Variants in SHROOM3 observed in about 807,000 individuals in gnomAD.
SHROOM3 encodes the protein protein Shroom3.
Under a neutral mutation model 138.6 loss-of-function variants are expected in SHROOM3, and 47 were observed. That is an observed-to-expected ratio of 0.34 (90% confidence interval 0.27 to 0.43). The LOEUF is 0.43. Among genes scored for constraint, SHROOM3 ranks in the 20% least tolerant of loss-of-function variants. The probability of loss-of-function intolerance (pLI) is 1.00; values close to 1 mark genes in which losing one functional copy is unlikely to be tolerated. For missense variants in SHROOM3, 2,491 were observed against 2,596.5 expected (o/e 0.96, Z 0.88); for synonymous variants, 1,062 against 1,063.3 (o/e 1.00, Z 0.02).
At chr4:76,707,498 C>T (rs1720091377) in intron 2 of SHROOM3, among the ~76,000 whole-genome samples, 1 of 152,072 alleles carries the variant, frequency 6.6e-6, no homozygotes, top group Non-Finnish European at 1.5e-5. Context: ...TCGTGTATAA[C>T]CATTGGCGCA....
intron 1 of SHROOM3, among the ~76,000 whole-genome samples, chr4:76,467,116 C>G: frequency 6.6e-6 from 1 of 151,274 alleles, no homozygotes. Flanking sequence ...AATCACGACT[C>G]ACTGCAGCCT....
At chr4:76,550,678 G>A (rs1733334588) in intron 1 of SHROOM3, among the ~76,000 whole-genome samples, 1 of 152,072 alleles carries the variant, frequency 6.6e-6, no homozygotes, top group Non-Finnish European at 1.5e-5. Flanking sequence ...CCCATGAAAT[G>A]TTTGACAAAT....
At chr4:76,738,125 T>G (rs1336976914) in intron 4 of SHROOM3, among the ~76,000 whole-genome samples, 1 of 152,144 alleles carries the variant, frequency 6.6e-6, no homozygotes, top group Admixed American at 6.5e-5. Flanking sequence ...TCTCCTTCCC[T>G]CTTTCCCCTT....
intron 6 of SHROOM3, among the ~76,000 whole-genome samples, chr4:76,751,578 G>A (rs1721624276): frequency 6.6e-6 from 1 of 152,036 alleles, no homozygotes; most frequent in African/African-American, 2.4e-5. Flanking sequence ...AACACTAGAG[G>A]ATACCAATCC....
intron 2 of SHROOM3, among the ~76,000 whole-genome samples, chr4:76,698,888 C>CA (rs1438780398): frequency 1.6e-4 from 25 of 151,904 alleles, no homozygotes; most frequent in African/African-American, 5.8e-4. Context: ...TTCTTATCTG[C>CA]AAAAAAACCC....
In SHROOM3 at chr4:76,621,113, A is replaced by G. The variant is rs1257192557; in HGVS notation, c.323+65350A>G. Reference sequence around the variant, plus strand: ...CTGTGGTTTTCTCCATTGATTTTTCATTTCCACCTCCAAGAGCCTTTTATT... The same window carrying G: ...CTGTGGTTTTCTCCATTGATTTTTCGTTTCCACCTCCAAGAGCCTTTTATT... On this transcript the variant is annotated intron_variant, in intron 2 of 10. Coordinates refer to ENST00000296043, the MANE Select transcript of SHROOM3 (RefSeq NM_020859.4). Among the ~76,000 whole-genome samples the G allele has an allele frequency of 2.6e-5, 4 of 151,726 alleles. 1 individual carries two copies. Among genetic ancestry groups the G allele is most frequent in the Admixed American group, 2.6e-4 (4 of 15,228 alleles).
chr4:76,685,717 G>A (rs886773638), intron 2 of SHROOM3, among the ~76,000 whole-genome samples: 4 of 152,268 alleles, frequency 2.6e-5, no homozygotes, highest in South Asian at 2.1e-4. Context: ...GGTGGCTCAC[G>A]CCTGTAATCC....
chr4:76,667,562 C>T (rs1718730401), intron 2 of SHROOM3, among the ~76,000 whole-genome samples: 1 of 152,142 alleles, frequency 6.6e-6, no homozygotes, highest in Non-Finnish European at 1.5e-5. Flanking sequence ...AATCCTTCCT[C>T]CTCAGCCTCC....
chr4:76,558,003 C>A (rs986027910), intron 2 of SHROOM3, among the ~76,000 whole-genome samples: 1 of 152,140 alleles, frequency 6.6e-6, no homozygotes, highest in African/African-American at 2.4e-5. Context: ...AGGTTTTGAA[C>A]TCACCTTGGC....
chr4:76,701,946 TTATC>T (rs1302134401), intron 2 of SHROOM3, among the ~76,000 whole-genome samples: 15 of 152,212 alleles, frequency 9.9e-5, no homozygotes, highest in African/African-American at 3.6e-4. Context: ...AATTTTACTA[TTATC>T]TGATAATTAA....
At chr4:76,605,716 GCAAAAA>G (rs951023306) in intron 2 of SHROOM3, among the ~76,000 whole-genome samples, 8 of 151,312 alleles carry the variant, frequency 5.3e-5, no homozygotes, top group African/African-American at 1.9e-4. Flanking sequence ...AAATCCCAGA[GCAAAAA>G]CAAAAACAGA....
intron 2 of SHROOM3, among the ~76,000 whole-genome samples, chr4:76,609,550 C>T (rs562080943): frequency 1.3e-5 from 2 of 152,276 alleles, no homozygotes; most frequent in South Asian, 2.1e-4. Flanking sequence ...GGATTACAGG[C>T]GTGAGCCATT....
chr4:76,710,107 G>A (rs1052526298), intron 2 of SHROOM3, 49 bp from the exon 3 acceptor site: 5 of 1,612,442 alleles, frequency 3.1e-6, no homozygotes, highest in Admixed American at 1.7e-5. Context: ...TTGTGCTCCT[G>A]TCCATGAACA....
chr4:76,689,458 AC>A (rs1399038391), intron 2 of SHROOM3: 20 of 909,294 alleles, frequency 2.2e-5, no homozygotes, highest in Middle Eastern at 5.6e-4. Context: ...AGCGCCCCGC[AC>A]CCTCGGCGCG....
At chr4:76,442,643 T>G (rs1730718960) in intron 1 of SHROOM3, among the ~76,000 whole-genome samples, 1 of 151,982 alleles carries the variant, frequency 6.6e-6, no homozygotes, top group Non-Finnish European at 1.5e-5. Context: ...TCTCCTTACC[T>G]TATGATCCGC....
chr4:76,609,581 G>A (rs1322552068), intron 2 of SHROOM3, among the ~76,000 whole-genome samples: 2 of 152,174 alleles, frequency 1.3e-5, no homozygotes, highest in East Asian at 3.9e-4. Flanking sequence ...CTCAGAATCT[G>A]TATCTGACCA....
chr4:76,524,659 T>C (rs1443568747), intron 1 of SHROOM3, among the ~76,000 whole-genome samples: 1 of 152,208 alleles, frequency 6.6e-6, no homozygotes, highest in African/African-American at 2.4e-5. Context: ...TCAATAGATT[T>C]GTGCCCAGGA....
intron 2 of SHROOM3, among the ~76,000 whole-genome samples, chr4:76,694,441 T>A (rs1276018151): frequency 6.6e-6 from 1 of 152,242 alleles, no homozygotes; most frequent in Non-Finnish European, 1.5e-5. Flanking sequence ...TTCTTTTAAT[T>A]GATGTTATTT....
chr4:76,578,772 C>T (rs1404385909), intron 2 of SHROOM3, among the ~76,000 whole-genome samples: 6 of 152,174 alleles, frequency 3.9e-5, no homozygotes, highest in Non-Finnish European at 8.8e-5. Context: ...GTATGTTACA[C>T]TTTAATAAAC....
Sources: gnomAD v4.1 joint callset for allele counts (sites outside exome capture counted in the v4.1 genomes callset) on GRCh38, gnomAD v4.1.1 for gene constraint, MANE v1.5 for transcripts, NCBI Gene and HGNC (gene_info 2026-07-23, HGNC 2026-07-21) for gene names.